Variants in STX8 observed in about 807,000 individuals in gnomAD.
STX8 encodes the protein syntaxin 8.
In STX8, 23 loss-of-function variants were observed where a neutral mutation model predicts 37.5. The observed-to-expected ratio is 0.61, with a 90% CI of 0.44 to 0.87. The LOEUF (loss-of-function observed/expected upper bound fraction) is 0.87. STX8 is among the 40% of genes least tolerant of loss of function. The pLI, the probability that STX8 is intolerant of heterozygous loss-of-function variation, is 0.00. For synonymous variants in STX8, 115 were observed against 99.1 expected (o/e 1.16, Z -0.95); for missense variants, 313 against 284.7 (o/e 1.10, Z -0.71).
intron 7 of STX8, among the ~76,000 whole-genome samples, chr17:9,348,059 A>T (rs1305064453): frequency 6.6e-6 from 1 of 152,146 alleles, no homozygotes; most frequent in Non-Finnish European, 1.5e-5. Context: ...ATAGTATGTA[A>T]CTGCAAGCTA....
At chr17:9,413,385 T>C (rs2142336799) in intron 6 of STX8, among the ~76,000 whole-genome samples, 1 of 152,304 alleles carries the variant, frequency 6.6e-6, no homozygotes, top group East Asian at 1.9e-4. Flanking sequence ...CAACCTAGGC[T>C]GGTAGCTGGG....
intron 4 of STX8, among the ~76,000 whole-genome samples, chr17:9,530,103 C>T (rs1420670598): frequency 1.3e-5 from 2 of 152,012 alleles, no homozygotes; most frequent in East Asian, 1.9e-4. Flanking sequence ...GTCAGGAGAT[C>T]GAGACCATCC....
At chr17:9,449,910 G>A (rs1904980759) in intron 6 of STX8, among the ~76,000 whole-genome samples, 1 of 151,660 alleles carries the variant, frequency 6.6e-6, no homozygotes, top group Non-Finnish European at 1.5e-5. Flanking sequence ...CTTGAGCCCA[G>A]GAGTTTGAGG....
At chr17:9,413,543 C>A (rs1913049052) in intron 6 of STX8, among the ~76,000 whole-genome samples, 1 of 152,152 alleles carries the variant, frequency 6.6e-6, no homozygotes, top group Non-Finnish European at 1.5e-5. Flanking sequence ...CAGATAGGAG[C>A]TAAGGGTTTT....
chr17:9,310,000 CT>C (rs1909134676), intron 7 of STX8, among the ~76,000 whole-genome samples: 1 of 120,926 alleles, frequency 8.3e-6, no homozygotes, highest in African/African-American at 6.7e-5. Context: ...CAAGTTGACT[CT>C]TATTAGTCAA....
Position 9,310,178 on chromosome 17 carries a change from A to C in STX8, c.644-59533T>G, listed in dbSNP as rs145002703. ...AAAACAACATACAAACACACACACA[A>C]AAAAACAGGCACCCTGATAACCAAA... On this transcript the variant is annotated intron_variant, in intron 7 of 7. Coordinates refer to ENST00000306357, the MANE Select transcript of STX8 (RefSeq NM_004853.3). 5.5e-3 allele frequency among the ~76,000 whole-genome samples: 834 copies of C among 152,232 alleles called. 8 individuals are homozygous for C. Among genetic ancestry groups the C allele is most frequent in the African/African-American group, 0.018 (748 of 41,540 alleles).
At chr17:9,381,008 C>A (rs903391569) in intron 6 of STX8, among the ~76,000 whole-genome samples, 18 of 152,126 alleles carry the variant, frequency 1.2e-4, no homozygotes, top group African/African-American at 2.4e-5. Context: ...AGCCACTGCA[C>A]CCGACCATAT....
intron 4 of STX8, among the ~76,000 whole-genome samples, chr17:9,544,370 G>A (rs192357644): frequency 2.6e-5 from 4 of 152,104 alleles, no homozygotes; most frequent in South Asian, 4.1e-4. Context: ...CAGCAGAACC[G>A]GGCTCAGAGC....
intron 7 of STX8, among the ~76,000 whole-genome samples, chr17:9,357,337 C>A (rs977055171): frequency 7.2e-5 from 11 of 151,986 alleles, no homozygotes; most frequent in Admixed American, 1.3e-4. Flanking sequence ...TATGGTTATT[C>A]TTTTTCCTGA....
intron 6 of STX8, among the ~76,000 whole-genome samples, chr17:9,384,982 A>AC (rs1911943956): frequency 6.6e-6 from 1 of 151,822 alleles, no homozygotes. Context: ...TCATAGACTT[A>AC]ACTGTAAAAC....
chr17:9,345,288 T>G (rs112190082), intron 7 of STX8, among the ~76,000 whole-genome samples: 6,583 of 152,166 alleles, frequency 0.043, 223 homozygotes, highest in Non-Finnish European at 0.068. Flanking sequence ...TAGCTGGGAT[T>G]ACAAGCATGC....
intron 7 of STX8, among the ~76,000 whole-genome samples, chr17:9,322,314 C>T (rs1277942332): frequency 5.3e-5 from 8 of 152,358 alleles, no homozygotes; most frequent in Middle Eastern, 3.4e-3. Context: ...TTCCATGGTC[C>T]TGCTGGACAG....
At chr17:9,406,650 A>C (rs1376605559) in intron 6 of STX8, among the ~76,000 whole-genome samples, 1 of 152,240 alleles carries the variant, frequency 6.6e-6, no homozygotes, top group Non-Finnish European at 1.5e-5. Context: ...TGTATATTTT[A>C]TAGTAGCAAA....
intron 7 of STX8, among the ~76,000 whole-genome samples, chr17:9,371,818 C>A (rs1038113894): frequency 2.0e-5 from 3 of 151,988 alleles, no homozygotes; most frequent in African/African-American, 7.2e-5. Flanking sequence ...TGCTTTCAAG[C>A]TTGTCATTTT....
chr17:9,507,762 C>T lies in STX8; in HGVS notation c.324-2600G>A, dbSNP rs910254008. Among the ~76,000 whole-genome samples the T allele has an allele frequency of 2.0e-5, 3 of 152,332 alleles. No individual in the cohort carries two copies. The East Asian group carries it at 5.8e-4, about 29-fold the overall frequency. On this transcript the variant is annotated intron_variant, in intron 4 of 7. Coordinates refer to ENST00000306357, the MANE Select transcript of STX8 (RefSeq NM_004853.3). This position sits in a 1 kb window ranked among gnomAD's most constrained non-coding sequence, Gnocchi z 4.0. ...CATCCCTGGCAAAGTCATGCCACCACCACCACAAAGCCTCTCAGCTGAGGC... is the reference window on the plus strand; with the variant it reads ...CATCCCTGGCAAAGTCATGCCACCATCACCACAAAGCCTCTCAGCTGAGGC...
intron 6 of STX8, among the ~76,000 whole-genome samples, chr17:9,440,897 G>C (rs1030199617): frequency 6.6e-6 from 1 of 151,926 alleles, no homozygotes; most frequent in African/African-American, 2.4e-5. Flanking sequence ...TGAAATGCCG[G>C]CTCCATATCC....
chr17:9,303,111 G>A (rs1384156024), intron 7 of STX8, among the ~76,000 whole-genome samples: 3 of 151,858 alleles, frequency 2.0e-5, no homozygotes, highest in East Asian at 3.9e-4. Context: ...GGCCAACATG[G>A]TGAACCCCGT....
intron 7 of STX8, among the ~76,000 whole-genome samples, chr17:9,292,818 A>G (rs187748822): frequency 1.3e-5 from 2 of 152,278 alleles, no homozygotes; most frequent in East Asian, 3.9e-4. Context: ...GGCTGTTTCT[A>G]AGAATGTGCT....
intron 6 of STX8, among the ~76,000 whole-genome samples, chr17:9,435,038 G>C (rs186586822): frequency 9.2e-5 from 14 of 152,250 alleles, no homozygotes; most frequent in Middle Eastern, 3.4e-3. Flanking sequence ...TGCACGCCCT[G>C]TTTTGACCAC....
Sources: allele counts gnomAD v4.1 joint callset (sites outside exome capture counted in the v4.1 genomes callset), GRCh38; gene constraint gnomAD v4.1.1; non-coding constraint Gnocchi (gnomAD v3.1); transcripts MANE v1.5; gene names NCBI Gene and HGNC (gene_info 2026-07-23, HGNC 2026-07-21).